Variants in RBFOX1 observed in about 807,000 individuals in gnomAD.
RBFOX1 encodes RNA binding fox-1 homolog 1, also known as RNA binding protein fox-1 homolog 1.
In RBFOX1, 8 loss-of-function variants were observed where a neutral mutation model predicts 57.7. That is an observed-to-expected ratio of 0.14 (90% CI 0.08 to 0.25). The LOEUF is 0.25. Ranked by LOEUF, RBFOX1 falls within the 10% of genes least tolerant of loss-of-function variation. The pLI is 1.00. For synonymous variants in RBFOX1, 326 were observed against 222.4 expected, an observed-to-expected ratio of 1.47 and a Z score of -4.15; for missense variants, 611 against 548.5, an observed-to-expected ratio of 1.11 and a Z score of -1.14.
At chr16:7,590,493 C>G (rs886595711) in intron 7 of RBFOX1, among the ~76,000 whole-genome samples, 1 of 152,010 alleles carries the variant, frequency 6.6e-6, no homozygotes, top group East Asian at 1.9e-4. Context: ...GAGATTTACC[C>G]AACCATCTCG....
chr16:7,232,119 G>A (rs1348930733), intron 4 of RBFOX1, among the ~76,000 whole-genome samples: 1 of 152,086 alleles, frequency 6.6e-6, no homozygotes, highest in Non-Finnish European at 1.5e-5. Context: ...CACCTCCTAG[G>A]TTCAAGCGAT....
Position 6,450,805 on chromosome 16 carries a change from A to ATATATATACATATATG in RBFOX1, c.-64+133756_-64+133757insCATATATGTATATATA, listed in dbSNP as rs2094587324. The stretch of plus-strand genomic sequence containing the variant: ...TATATATATACATATATATATGTAT[A>ATATATATACATATATG]TATATATATATACATATATATATAT... On this transcript the variant is annotated intron_variant, in intron 2 of 15. Coordinates refer to ENST00000550418, the MANE Select transcript of RBFOX1 (RefSeq NM_018723.4). Among the ~76,000 whole-genome samples the ATATATATACATATATG allele has an allele frequency of 9.0e-4, 12 of 13,266 alleles. 1 individual carries two copies. Among genetic ancestry groups the ATATATATACATATATG allele is most frequent in the African/African-American group, 6.4e-3 (12 of 1,872 alleles). The allele number at this position is 13,266 out of a possible 152,430, so 8.7% of individuals were successfully genotyped here. A position where few individuals can be genotyped will look rare whatever the true frequency, so the allele number is the denominator to read the frequency against.
At chr16:7,476,934 G>T (rs991021945) in intron 4 of RBFOX1, among the ~76,000 whole-genome samples, 3 of 152,172 alleles carry the variant, frequency 2.0e-5, no homozygotes, top group Non-Finnish European at 4.4e-5. Context: ...TTACCAAGCT[G>T]CCCTCATCCT....
At chr16:6,239,316 GCC>G (rs970807804) in intron 1 of RBFOX1, among the ~76,000 whole-genome samples, 1 of 151,718 alleles carries the variant, frequency 6.6e-6, no homozygotes, top group African/African-American at 2.4e-5. Flanking sequence ...TTATTTCTGG[GCC>G]CCACCGTGTC....
Position 6,525,576 on chromosome 16 carries a change from T to C in RBFOX1, c.-63-129027T>C, listed in dbSNP as rs140345029. 3.7e-3 allele frequency among the ~76,000 whole-genome samples: 564 copies of C among 152,256 alleles called. 3 individuals carry two copies. The highest frequency in any genetic ancestry group is 0.02 in the Middle Eastern group (6 of 294). ...AGAACAGAAATTTATTTTTCATTGTTCTGGAGACTGGGAATTTTCAGACTT... is the reference window on the plus strand; with the variant it reads ...AGAACAGAAATTTATTTTTCATTGTCCTGGAGACTGGGAATTTTCAGACTT... On this transcript the variant is annotated intron_variant, in intron 2 of 15. Coordinates refer to ENST00000550418, the MANE Select transcript of RBFOX1 (RefSeq NM_018723.4).
intron 3 of RBFOX1, among the ~76,000 whole-genome samples, chr16:7,025,742 C>T (rs1381629551): frequency 6.6e-6 from 1 of 152,028 alleles, no homozygotes; most frequent in East Asian, 1.9e-4. Flanking sequence ...GAGCAGGAGC[C>T]ATGGGCGTCC....
At chr16:5,862,582 C>T (rs2057248804) in intron 3 of RBFOX1, among the ~76,000 whole-genome samples, 1 of 152,156 alleles carries the variant, frequency 6.6e-6, no homozygotes, top group African/African-American at 2.4e-5. Context: ...CATTGCAGAG[C>T]TGTGCAGGGA....
intron 4 of RBFOX1, among the ~76,000 whole-genome samples, chr16:5,956,670 A>ATTTTTTT (rs1303621980): frequency 0.016 from 747 of 45,720 alleles, 2 homozygotes; most frequent in Non-Finnish European, 0.02. Context: ...ATATATATAT[A>ATTTTTTT]TATATATATT....
At chr16:6,928,349 G>A (rs1567925052) in intron 3 of RBFOX1, among the ~76,000 whole-genome samples, 2 of 152,176 alleles carry the variant, frequency 1.3e-5, no homozygotes, top group Non-Finnish European at 2.9e-5. Context: ...GGAAAGAAAA[G>A]AGGAAAAGAG....
intron 3 of RBFOX1, among the ~76,000 whole-genome samples, chr16:6,966,334 C>G (rs1481776158): frequency 6.6e-6 from 1 of 152,086 alleles, no homozygotes; most frequent in African/African-American, 2.4e-5. Flanking sequence ...CAAGTTTTGG[C>G]TCTCAGAGCA....
At chr16:7,061,185 AG>A (rs1403923676) in intron 4 of RBFOX1, among the ~76,000 whole-genome samples, 1 of 152,240 alleles carries the variant, frequency 6.6e-6, no homozygotes, top group Non-Finnish European at 1.5e-5. Context: ...TAGAAGCTGC[AG>A]GAACTCAGGC....
intron 4 of RBFOX1, among the ~76,000 whole-genome samples, chr16:7,295,205 G>A (rs2095866172): frequency 6.6e-6 from 1 of 152,158 alleles, no homozygotes; most frequent in Non-Finnish European, 1.5e-5. Flanking sequence ...TGTGTACTCA[G>A]AAGACCAGGG....
At chr16:7,634,238 C>G (rs2061412439) in intron 11 of RBFOX1, among the ~76,000 whole-genome samples, 1 of 152,178 alleles carries the variant, frequency 6.6e-6, no homozygotes, top group African/African-American at 2.4e-5. Flanking sequence ...TTCTGTTTAA[C>G]AGCTGTGCTC....
chr16:6,246,750 G>C (rs376430882), intron 1 of RBFOX1, among the ~76,000 whole-genome samples: 3 of 152,128 alleles, frequency 2.0e-5, no homozygotes, highest in Admixed American at 6.6e-5. Flanking sequence ...GTGCTGCCGC[G>C]GTCTCTATCT....
At chr16:6,320,717 T>C (rs1176381154) in intron 2 of RBFOX1, among the ~76,000 whole-genome samples, 2 of 152,130 alleles carry the variant, frequency 1.3e-5, no homozygotes, top group Non-Finnish European at 2.9e-5. Context: ...GCTTGAAATG[T>C]GACTATTACA....
chr16:7,232,589 C>A (rs1047025614), intron 4 of RBFOX1, among the ~76,000 whole-genome samples: 8 of 152,056 alleles, frequency 5.3e-5, no homozygotes, highest in African/African-American at 1.9e-4. Flanking sequence ...TGCCTGTAAT[C>A]CCAGCGCTTT....
At chr16:5,895,795 T>G (rs974369131) in intron 4 of RBFOX1, among the ~76,000 whole-genome samples, 34 of 152,306 alleles carry the variant, frequency 2.2e-4, no homozygotes, top group Admixed American at 6.5e-4. Context: ...ACAGAGACAT[T>G]TAATACCTTA....
intron 1 of RBFOX1, among the ~76,000 whole-genome samples, chr16:5,315,167 G>A (rs990052641): frequency 6.6e-6 from 1 of 152,196 alleles, no homozygotes; most frequent in Non-Finnish European, 1.5e-5. Flanking sequence ...GGTGGAGTCT[G>A]TGGGCTGATA....
intron 3 of RBFOX1, among the ~76,000 whole-genome samples, chr16:6,735,347 C>G (rs1603476500): frequency 6.6e-6 from 1 of 152,180 alleles, no homozygotes; most frequent in South Asian, 2.1e-4. Flanking sequence ...TTACTTAGTG[C>G]CGTCAGCTAG....
Sources: allele counts gnomAD v4.1 joint callset (sites outside exome capture counted in the v4.1 genomes callset), GRCh38; gene constraint gnomAD v4.1.1; transcripts MANE v1.5; gene names NCBI Gene and HGNC (gene_info 2026-07-23, HGNC 2026-07-21).